The following NDST4 variants were observed in gnomAD, a reference collection of about 807,000 sequenced individuals.
The protein encoded by NDST4 is N-deacetylase and N-sulfotransferase 4.
A neutral mutation model predicts 100.8 loss-of-function variants in NDST4; 63 were observed. That is an observed-to-expected ratio of 0.62 (90% CI 0.51 to 0.77). NDST4 has a LOEUF of 0.77. NDST4 is among the 30% of genes least tolerant of loss of function. NDST4 has a pLI of 0.00. For synonymous variants in NDST4, 377 were observed against 361.8 expected, an observed-to-expected ratio of 1.04 and a Z score of -0.48; for missense variants, 943 against 1,018.4, an observed-to-expected ratio of 0.93 and a Z score of 1.01.
chr4:114,928,055 G>C (rs1345481373), intron 6 of NDST4, among the ~76,000 whole-genome samples: 1 of 152,138 alleles, frequency 6.6e-6, no homozygotes, highest in Non-Finnish European at 1.5e-5. Flanking sequence ...TTAAAAGTCA[G>C]CTCTGTTAAA....
intron 1 of NDST4, among the ~76,000 whole-genome samples, chr4:115,081,656 G>A (rs1729305894): frequency 1.3e-5 from 2 of 152,150 alleles, no homozygotes; most frequent in Non-Finnish European, 2.9e-5. Context: ...ACATTAAAAT[G>A]CTGCTATAAT....
At chr4:114,962,548 A>T (rs1726287078) in intron 4 of NDST4, among the ~76,000 whole-genome samples, 1 of 152,006 alleles carries the variant, frequency 6.6e-6, no homozygotes. Flanking sequence ...ATTTTAAAAG[A>T]TTTTTGTTTA....
chr4:115,038,572 T>A (rs1342700128), intron 2 of NDST4, among the ~76,000 whole-genome samples: 2 of 152,182 alleles, frequency 1.3e-5, no homozygotes, highest in African/African-American at 4.8e-5. Context: ...CTAATATCAA[T>A]ATTGTGCATT....
At position 114,934,138 on chromosome 4, in the gene NDST4, G is replaced by A. The variant is rs1725573825; in HGVS notation, c.1536+1068C>T. ...AATAAATAAAATGTGGCATATGTAT[G>A]TATCTACACATAAAATAAAATATTA... On this transcript the variant is annotated intron_variant, in intron 6 of 13. Coordinates refer to ENST00000264363, the MANE Select transcript of NDST4 (RefSeq NM_022569.3). 1.3e-5 allele frequency among the ~76,000 whole-genome samples: 2 copies of A among 152,010 alleles called. 1 individual carries two copies. The highest frequency in any genetic ancestry group is 4.1e-4 in the South Asian group (2 of 4,822).
intron 2 of NDST4, among the ~76,000 whole-genome samples, chr4:115,004,413 G>C (rs1396137871): frequency 6.6e-6 from 1 of 152,116 alleles, no homozygotes; most frequent in Non-Finnish European, 1.5e-5. Context: ...CCTATGGGAG[G>C]TAAAGCGAAT....
intron 2 of NDST4, among the ~76,000 whole-genome samples, chr4:115,001,735 T>G (rs1727294355): frequency 6.6e-6 from 1 of 152,168 alleles, no homozygotes; most frequent in African/African-American, 2.4e-5. Context: ...GTCAGCTGTA[T>G]TTTATGCTTA....
At chr4:114,981,981 G>T (rs1244904161) in intron 2 of NDST4, among the ~76,000 whole-genome samples, 3 of 152,144 alleles carry the variant, frequency 2.0e-5, no homozygotes, top group African/African-American at 7.2e-5. Context: ...TCATGACAGA[G>T]TTCTCACGAG....
chr4:114,909,439 T>A (rs1056830083), intron 6 of NDST4, among the ~76,000 whole-genome samples: 1 of 151,334 alleles, frequency 6.6e-6, no homozygotes, highest in Non-Finnish European at 1.5e-5. Context: ...GGCGGGTGGA[T>A]CATGAGGTCA....
At chr4:114,880,960 A>C (rs988925484) in intron 6 of NDST4, among the ~76,000 whole-genome samples, 14 of 152,118 alleles carry the variant, frequency 9.2e-5, no homozygotes, top group African/African-American at 3.1e-4. Context: ...GACAGAACGC[A>C]TAGTGAAAAG....
chr4:114,963,098 T>C (rs1726300045), intron 4 of NDST4, among the ~76,000 whole-genome samples: 1 of 152,012 alleles, frequency 6.6e-6, no homozygotes, highest in African/African-American at 2.4e-5. Context: ...CACAAAAACT[T>C]GCACCTGAAT....
intron 12 of NDST4, 83 bp downstream of exon 12, chr4:114,833,523 T>A (rs1280133995): frequency 6.0e-6 from 5 of 829,970 alleles, no homozygotes; most frequent in Non-Finnish European, 4.1e-6. Context: ...TAGCTAGTAT[T>A]AATGATGTTA....
chr4:115,046,867 A>G (rs934225716), intron 2 of NDST4, among the ~76,000 whole-genome samples: 1 of 152,178 alleles, frequency 6.6e-6, no homozygotes, highest in Non-Finnish European at 1.5e-5. Flanking sequence ...CAAATCAAAG[A>G]GAAAATTGTA....
At chr4:114,989,059 G>A (rs1341589627) in intron 2 of NDST4, among the ~76,000 whole-genome samples, 1 of 49,480 alleles carries the variant, frequency 2.0e-5, no homozygotes, top group African/African-American at 4.9e-5. Context: ...TCACCTCCTT[G>A]ACTCAGCCCT....
intron 2 of NDST4, among the ~76,000 whole-genome samples, chr4:115,015,932 G>A (rs566195167): frequency 4.6e-5 from 7 of 152,094 alleles, no homozygotes; most frequent in South Asian, 2.1e-4. Flanking sequence ...CTGGTATGTT[G>A]ATTACATTGG....
chr4:114,881,777 C>T (rs572039310), intron 6 of NDST4, among the ~76,000 whole-genome samples: 2 of 152,152 alleles, frequency 1.3e-5, no homozygotes, highest in East Asian at 1.9e-4. Flanking sequence ...GATTTCCCAT[C>T]GTGTTTTCTC....
chr4:115,039,944 A>G (rs1422002240), intron 2 of NDST4, among the ~76,000 whole-genome samples: 1 of 152,030 alleles, frequency 6.6e-6, no homozygotes, highest in African/African-American at 2.4e-5. Flanking sequence ...TACGCAACCA[A>G]TACTAACATG....
chr4:114,958,448 T>C (rs1263602672), intron 4 of NDST4, among the ~76,000 whole-genome samples: 1 of 152,116 alleles, frequency 6.6e-6, no homozygotes, highest in East Asian at 1.9e-4. Context: ...TTACAGTTTG[T>C]AACATGTTCC....
At chr4:114,835,593 G>C (rs1723290861) in intron 11 of NDST4, among the ~76,000 whole-genome samples, 1 of 152,182 alleles carries the variant, frequency 6.6e-6, no homozygotes, top group Admixed American at 6.5e-5. Flanking sequence ...TGTATATTCT[G>C]TTGATTTGGA....
chr4:115,095,701 G>T (rs1329328647), intron 1 of NDST4, among the ~76,000 whole-genome samples: 1 of 151,992 alleles, frequency 6.6e-6, no homozygotes, highest in African/African-American at 2.4e-5. Flanking sequence ...AAGTACTCAT[G>T]AATAATTATT....
Sources: allele counts gnomAD v4.1 joint callset (sites outside exome capture counted in the v4.1 genomes callset), GRCh38; gene constraint gnomAD v4.1.1; transcripts MANE v1.5; gene names NCBI Gene and HGNC (gene_info 2026-07-23, HGNC 2026-07-21).